Variants in LIN52 observed in about 807,000 individuals in gnomAD.
LIN52 encodes the protein protein lin-52 homolog.
A neutral mutation model predicts 18.5 loss-of-function variants in LIN52; 4 were observed. The observed-to-expected ratio is 0.22, with a 90% confidence interval of 0.11 to 0.49. The LOEUF (loss-of-function observed/expected upper bound fraction) is 0.49. LIN52 is among the 20% of genes least tolerant of loss of function. The probability of loss-of-function intolerance (pLI) is 0.97; values close to 1 mark genes in which losing one functional copy is unlikely to be tolerated. For missense variants in LIN52, 102 were observed against 139.5 expected (o/e 0.73, Z 1.35); for synonymous variants, 34 against 45.5 (o/e 0.75, Z 1.02).
chr14:74,111,623 T>C (rs2060928838), intron 5 of LIN52, among the ~76,000 whole-genome samples: 1 of 147,596 alleles, frequency 6.8e-6, no homozygotes, highest in East Asian at 2.0e-4. Context: ...TTTATTTATT[T>C]ATTTATTTAT....
intron 5 of LIN52, among the ~76,000 whole-genome samples, chr14:74,130,278 G>GTTTGTTT (rs1555382571): frequency 4.6e-5 from 3 of 64,842 alleles, no homozygotes; most frequent in African/African-American, 1.9e-4. Context: ...GCATTTTTTG[G>GTTTGTTT]TTTTTTTTTT....
intron 5 of LIN52, among the ~76,000 whole-genome samples, chr14:74,145,609 C>T (rs1428378626): frequency 5.3e-5 from 8 of 152,192 alleles, no homozygotes; most frequent in Admixed American, 1.3e-4. Context: ...TTGAGCTTGT[C>T]TCTTACAGTC....
chr14:74,145,383 T>A lies in LIN52; in HGVS notation c.283+44145T>A, dbSNP rs115142888. Among the ~76,000 whole-genome samples, 998 of 152,374 alleles carry A rather than the reference T, an allele frequency of 6.5e-3. 14 individuals carry two copies. The highest frequency in any genetic ancestry group is 0.023 in the African/African-American group (960 of 41,584). The stretch of plus-strand genomic sequence containing the variant: ...TATTAACAGTGTATTCTTCATTGCC[T>A]GTGAAAATAATCTTAAAGTTATACA... On this transcript the variant is annotated intron_variant, in intron 5 of 5. Coordinates refer to ENST00000555028, the MANE Select transcript of LIN52 (RefSeq NM_001024674.3).
At chr14:74,128,454 C>T (rs1246819144) in intron 5 of LIN52, among the ~76,000 whole-genome samples, 2 of 152,162 alleles carry the variant, frequency 1.3e-5, no homozygotes, top group African/African-American at 4.8e-5. Context: ...GGAACAGTGC[C>T]TGGCACCACT....
intron 3 of LIN52, 91 bp downstream of exon 3, chr14:74,096,076 A>C: frequency 1.1e-6 from 1 of 888,486 alleles, no homozygotes; most frequent in Non-Finnish European, 1.7e-6. Context: ...ATTTTATTTT[A>C]TTTATGGCAG....
chr14:74,106,195 A>G (rs1056338664), intron 5 of LIN52, among the ~76,000 whole-genome samples: 4 of 152,156 alleles, frequency 2.6e-5, no homozygotes, highest in African/African-American at 9.7e-5. Context: ...TACTGGAACT[A>G]TGTTACAGTC....
At chr14:74,122,969 T>G (rs2061008392) in intron 5 of LIN52, among the ~76,000 whole-genome samples, 1 of 152,238 alleles carries the variant, frequency 6.6e-6, no homozygotes, top group Non-Finnish European at 1.5e-5. Context: ...AGGTGTTCCC[T>G]GACCACACTT....
At chr14:74,110,653 G>A (rs1204165636) in intron 5 of LIN52, among the ~76,000 whole-genome samples, 4 of 150,796 alleles carry the variant, frequency 2.7e-5, no homozygotes, top group African/African-American at 9.8e-5. Flanking sequence ...CTGGGTGACA[G>A]AGCGAGACTC....
intron 5 of LIN52, among the ~76,000 whole-genome samples, chr14:74,184,165 T>C (rs1178633721): frequency 6.6e-6 from 1 of 152,114 alleles, no homozygotes; most frequent in East Asian, 1.9e-4. Context: ...ACAGTAGCCT[T>C]GACATCCTGG....
At position 74,130,427 on chromosome 14, in the gene LIN52, A is replaced by G. The variant is rs1460808829; in HGVS notation, c.283+29189A>G. On this transcript the variant is annotated intron_variant, in intron 5 of 5. Transcript: ENST00000555028. ...CAAGTAGCTAGGATTACAGGCGTGT[A>G]CCACCACTCCTGGCTAATTTTAATA... is the stretch of plus-strand genomic sequence containing the variant. Among the ~76,000 whole-genome samples, 25 of 146,908 alleles carry G rather than the reference A, an allele frequency of 1.7e-4. 1 individual carries two copies. The highest frequency in any genetic ancestry group is 3.5e-3 in the Middle Eastern group (1 of 284).
Position 74,183,282 on chromosome 14 carries a change from G to A in LIN52, c.284-15640G>A, listed in dbSNP as rs142773774. 1.0e-2 allele frequency among the ~76,000 whole-genome samples: 1,514 copies of A among 152,062 alleles called. 30 individuals carry two copies. The highest frequency in any genetic ancestry group is 0.034 in the African/African-American group (1,415 of 41,472). ...CCGGCTAATTTTTTTTGTATTTTTA[G>A]TAGAGACGGGGATTCACCATGTTAG... On this transcript the variant is annotated intron_variant, in intron 5 of 5. Transcript: ENST00000555028.
Position 74,128,943 on chromosome 14 carries a change from AAAAAC to A in LIN52, c.283+27725_283+27729del, listed in dbSNP as rs373110592. Among the ~76,000 whole-genome samples, 238 of 152,316 alleles carry A rather than the reference AAAAAC, an allele frequency of 1.6e-3. 1 individual carries two copies. Among genetic ancestry groups the A allele is most frequent in the Middle Eastern group, 0.01 (3 of 294 alleles). On this transcript the variant is annotated intron_variant, in intron 5 of 5. Transcript: ENST00000555028. ...GGCAACAGAGCAAGACTCTGTCTAA[AAAAAC>A]AAAACAAAACAAAACAAAAACAACA...
At chr14:74,148,621 G>A (rs1162233283) in intron 5 of LIN52, among the ~76,000 whole-genome samples, 6 of 152,188 alleles carry the variant, frequency 3.9e-5, no homozygotes, top group Non-Finnish European at 8.8e-5. Flanking sequence ...CCTTCTTGCT[G>A]TAAGATTCCA....
rs1172244288 is a variant in LIN52, at chr14:74,198,449, C to A, written c.284-473C>A. ...AGGGAATATAAACCCTGTTATATTA[C>A]AGTATCCAGGGACTAACACTGCTGA... On this transcript the variant is annotated intron_variant, in intron 5 of 5. Coordinates refer to ENST00000555028, the MANE Select transcript of LIN52 (RefSeq NM_001024674.3). Among the ~76,000 whole-genome samples, 3 of 152,186 alleles carry A rather than the reference C, an allele frequency of 2.0e-5. No individual in the cohort carries two copies. The South Asian group carries it at 6.2e-4, about 31-fold the overall frequency.
At chr14:74,093,828 G>T (rs1027939816) in intron 2 of LIN52, among the ~76,000 whole-genome samples, 2 of 152,108 alleles carry the variant, frequency 1.3e-5, no homozygotes, top group Non-Finnish European at 2.9e-5. Context: ...TTAGCTGAGC[G>T]TGGTGGCACA....
At chr14:74,154,173 G>C (rs7154998) in intron 5 of LIN52, among the ~76,000 whole-genome samples, 26,173 of 149,668 alleles carry the variant, frequency 0.17, 2,758 homozygotes, top group East Asian at 0.58. Context: ...ACATTTAGTT[G>C]TCATGTCTCC....
At chr14:74,142,111 A>C (rs1046750790) in intron 5 of LIN52, among the ~76,000 whole-genome samples, 1 of 152,308 alleles carries the variant, frequency 6.6e-6, no homozygotes, top group Admixed American at 6.5e-5. Context: ...ACTTAATTTT[A>C]GTTGCATCTG....
intron 5 of LIN52, among the ~76,000 whole-genome samples, chr14:74,120,656 G>A (rs2060993677): frequency 6.6e-6 from 1 of 151,978 alleles, no homozygotes; most frequent in Non-Finnish European, 1.5e-5. Flanking sequence ...TCGGGAGGTT[G>A]AGGCAGGAGA....
chr14:74,188,563 C>G (rs1019032295), intron 5 of LIN52, among the ~76,000 whole-genome samples: 1 of 151,718 alleles, frequency 6.6e-6, no homozygotes, highest in African/African-American at 2.4e-5. Flanking sequence ...CCCCCGTTTC[C>G]CCCCACACTC....
Sources: gnomAD v4.1 joint callset for allele counts (sites outside exome capture counted in the v4.1 genomes callset) on GRCh38, gnomAD v4.1.1 for gene constraint, MANE v1.5 for transcripts, NCBI Gene and HGNC (gene_info 2026-07-23, HGNC 2026-07-21) for gene names.